Variants in BMP8A observed in about 807,000 individuals in gnomAD.
BMP8A encodes the protein bone morphogenetic protein 8a, also known as BMP-8A.
In BMP8A, 14 loss-of-function variants were observed where a neutral mutation model predicts 36.8. The ratio of observed to expected loss-of-function variants is 0.38; its 90% CI spans 0.25 to 0.60. BMP8A has a LOEUF of 0.60. BMP8A is among the 20% of genes least tolerant of loss of function. The probability of loss-of-function intolerance (pLI) is 0.63; values close to 1 mark genes in which losing one functional copy is unlikely to be tolerated. For missense variants in BMP8A, 267 were observed against 551.1 expected (o/e 0.48, Z 5.16); for synonymous variants, 120 against 237.7 (o/e 0.50, Z 4.55).
At chr1:39,502,369 T>C (rs1645261228) in intron 1 of BMP8A, among the ~76,000 whole-genome samples, 1 of 152,210 alleles carries the variant, frequency 6.6e-6, no homozygotes, top group Non-Finnish European at 1.5e-5. Flanking sequence ...CACATTAATG[T>C]ACACACATAT....
In BMP8A at chr1:39,529,231, G is replaced by C. The variant is rs1282641351; in HGVS notation, c.*3433G>C. On this transcript the variant is annotated 3_prime_UTR_variant, in exon 7 of 7. Coordinates refer to ENST00000331593, the MANE Select transcript of BMP8A (RefSeq NM_181809.4). ...GGACTTGCAAATTTGGGCGTTCCTTGTGTGCCTTCCTCATAAAACCCACTC... is the reference window on the plus strand; with the variant it reads ...GGACTTGCAAATTTGGGCGTTCCTTCTGTGCCTTCCTCATAAAACCCACTC... The C allele has an allele frequency of 6.6e-6, 1 of 152,252 alleles. No homozygotes were observed. Among genetic ancestry groups the C allele is most frequent in the Non-Finnish European group, 1.5e-5 (1 of 68,064 alleles). The allele number at this position is 152,252 out of a possible 1,614,324, so 9.4% of individuals were successfully genotyped here.
chr1:39,519,669 G>A (rs1645417342), intron 3 of BMP8A, among the ~76,000 whole-genome samples: 1 of 151,664 alleles, frequency 6.6e-6, no homozygotes, highest in Non-Finnish European at 1.5e-5. Context: ...GCTGCTTAAG[G>A]GCTGACCTTT....
At chr1:39,507,446 G>A (rs555674439) in intron 1 of BMP8A, among the ~76,000 whole-genome samples, 37 of 152,312 alleles carry the variant, frequency 2.4e-4, no homozygotes, top group East Asian at 1.2e-3. Flanking sequence ...GGCCTCGAGC[G>A]CTTTTGGCCA....
chr1:39,508,910 T>G (rs1645326185), intron 1 of BMP8A, among the ~76,000 whole-genome samples: 1 of 152,188 alleles, frequency 6.6e-6, no homozygotes, highest in South Asian at 2.1e-4. Context: ...GGGTGGTTTA[T>G]CGATTTCACA....
intron 1 of BMP8A, among the ~76,000 whole-genome samples, chr1:39,501,179 C>T (rs1229834730): frequency 6.6e-6 from 1 of 152,178 alleles, no homozygotes; most frequent in Non-Finnish European, 1.5e-5. Flanking sequence ...GGGAAACCCA[C>T]CCACTGGCCC....
rs1190619210 is a variant in BMP8A, at chr1:39,529,753, C to T, written c.*3955C>T. On this transcript the variant is annotated 3_prime_UTR_variant, in exon 7 of 7. Coordinates refer to ENST00000331593, the MANE Select transcript of BMP8A (RefSeq NM_181809.4). ...TACATTTGTCTTTCTTTATATATGACATATGGATATTTTACAAAGTTAGGA... is the reference window on the plus strand; with the variant it reads ...TACATTTGTCTTTCTTTATATATGATATATGGATATTTTACAAAGTTAGGA... Among the ~76,000 whole-genome samples the T allele has an allele frequency of 6.6e-6, 1 of 152,168 alleles. No homozygotes were observed. The highest frequency in any genetic ancestry group is 6.5e-5 in the Admixed American group (1 of 15,278).
At chr1:39,499,748 A>C (rs966342619) in intron 1 of BMP8A, among the ~76,000 whole-genome samples, 2 of 152,144 alleles carry the variant, frequency 1.3e-5, no homozygotes, top group Non-Finnish European at 2.9e-5. Context: ...GTGGTTCAGA[A>C]AGTAACCTTT....
chr1:39,507,770 TACTG>T (rs1169055660), intron 1 of BMP8A, among the ~76,000 whole-genome samples: 2 of 152,164 alleles, frequency 1.3e-5, no homozygotes, highest in African/African-American at 4.8e-5. Context: ...CATAACCAAG[TACTG>T]ACTACCGTCA....
chr1:39,517,749 T>C lies in BMP8A; in HGVS notation c.674-3627T>C, dbSNP rs552816882. Among the ~76,000 whole-genome samples, 71 of 152,170 alleles carry C rather than the reference T, an allele frequency of 4.7e-4. No individual in the cohort carries two copies. In the South Asian group the frequency reaches 0.014, roughly 29 times the overall value. On this transcript the variant is annotated intron_variant, in intron 3 of 6. Transcript: ENST00000331593. ...CTATGAGATGTTAAGCTTCTAGATGTCCGTAGAAGGAAAGCAGGACCATCT... is the reference window on the plus strand; with the variant it reads ...CTATGAGATGTTAAGCTTCTAGATGCCCGTAGAAGGAAAGCAGGACCATCT...
intron 1 of BMP8A, among the ~76,000 whole-genome samples, chr1:39,497,667 C>T (rs1255089324): frequency 6.6e-6 from 1 of 152,210 alleles, no homozygotes; most frequent in African/African-American, 2.4e-5. Flanking sequence ...CCCAGGGGCT[C>T]ACCTAGCCCC....
At chr1:39,517,035 CTGGAATGCAA>C (rs1283441017) in intron 3 of BMP8A, among the ~76,000 whole-genome samples, 1 of 151,980 alleles carries the variant, frequency 6.6e-6, no homozygotes, top group East Asian at 1.9e-4. Flanking sequence ...GTCACTCAGG[CTGGAATGCAA>C]TGGAATGCAG....
At chr1:39,525,160 A>T (rs1464783839) in intron 6 of BMP8A, 1 of 160,486 alleles carries the variant, frequency 6.2e-6, no homozygotes, top group Non-Finnish European at 1.4e-5. Context: ...CTCTGGGAGA[A>T]GGAGCAGCAC....
rs192853973 is a variant in BMP8A, at chr1:39,525,414, C to T, written c.1060-235C>T. 6.6e-5 allele frequency among the ~76,000 whole-genome samples: 10 copies of T among 152,292 alleles called. No individual in the cohort carries two copies. In the East Asian group the frequency reaches 1.9e-3, roughly 29 times the overall value. ...CTCATTAGTGCCCTGCCCACCTGCC[C>T]CACACCCTGGGGCTGCCATGTATCC... is the stretch of plus-strand genomic sequence containing the variant. On this transcript the variant is annotated intron_variant, in intron 6 of 6. Coordinates refer to ENST00000331593, the MANE Select transcript of BMP8A (RefSeq NM_181809.4).
Position 39,529,559 on chromosome 1 carries a change from G to A in BMP8A, c.*3761G>A, listed in dbSNP as rs1288916456. Among the ~76,000 whole-genome samples the A allele has an allele frequency of 2.0e-5, 3 of 152,114 alleles. No individual in the cohort carries two copies. Among genetic ancestry groups the A allele is most frequent in the Non-Finnish European group, 4.4e-5 (3 of 68,016 alleles). ...GAAAAGTCTTGAGCAAACAGTTGCCGCTCTCCACCCCCTGCTTTTTAAAAA... is the reference window on the plus strand; with the variant it reads ...GAAAAGTCTTGAGCAAACAGTTGCCACTCTCCACCCCCTGCTTTTTAAAAA... On this transcript the variant is annotated 3_prime_UTR_variant, in exon 7 of 7. Transcript: ENST00000331593.
At chr1:39,523,472 T>G in intron 6 of BMP8A, 2 of 1,284,630 alleles carry the variant, frequency 1.6e-6, no homozygotes, top group African/African-American at 1.5e-5. Context: ...CTGTGTGATC[T>G]TAACACACGG....
intron 1 of BMP8A, among the ~76,000 whole-genome samples, chr1:39,508,330 G>A (rs936536634): frequency 6.6e-6 from 1 of 152,160 alleles, no homozygotes; most frequent in Non-Finnish European, 1.5e-5. Context: ...TTTCAGACGT[G>A]GTCTTCTGAT....
At chr1:39,514,687 C>A (rs1006159282) in intron 3 of BMP8A, among the ~76,000 whole-genome samples, 1 of 152,114 alleles carries the variant, frequency 6.6e-6, no homozygotes, top group Non-Finnish European at 1.5e-5. Context: ...CTAGCCTGTG[C>A]CCTACTCGCG....
At chr1:39,522,091 C>T (rs1645431478) in intron 4 of BMP8A, among the ~76,000 whole-genome samples, 1 of 131,568 alleles carries the variant, frequency 7.6e-6, no homozygotes, top group Non-Finnish European at 1.7e-5. Flanking sequence ...CAGGGGTCTC[C>T]AGAGAGGAGG....
At chr1:39,518,212 T>C (rs1311749860) in intron 3 of BMP8A, among the ~76,000 whole-genome samples, 2 of 151,218 alleles carry the variant, frequency 1.3e-5, no homozygotes, top group Non-Finnish European at 2.9e-5. Context: ...ATTGGGGGCA[T>C]GTGGTCAGAG....
Sources: gnomAD v4.1 joint callset for allele counts (sites outside exome capture counted in the v4.1 genomes callset) on GRCh38, gnomAD v4.1.1 for gene constraint, MANE v1.5 for transcripts, NCBI Gene and HGNC (gene_info 2026-07-23, HGNC 2026-07-21) for gene names.